NEK7: variants seen among roughly 807,000 people sequenced by gnomAD.
The protein encoded by NEK7 is NIMA related kinase 7, also known as serine/threonine-protein kinase Nek7.
NEK7 carries 18 observed loss-of-function variants against 44.6 expected under a neutral mutation model. That is an observed-to-expected ratio of 0.40 (90% CI 0.28 to 0.60). The LOEUF is 0.60. NEK7 is among the 20% of genes least tolerant of loss of function. The pLI is 0.38. For synonymous variants in NEK7, 130 were observed against 121.1 expected (o/e 1.07, Z -0.48); for missense variants, 256 against 366.5 (o/e 0.70, Z 2.46).
rs181146766 is a variant in NEK7 at position 198,243,654 on chromosome 1, A to G, written c.58-9386A>G. ...CAGGGTCTTATAAATGTTTAATTAG[A>G]TAACTGCTTATATTTGGTCACTCAT... On this transcript the variant is annotated intron_variant, in intron 2 of 9. Transcript: ENST00000367385. 5.9e-4 allele frequency among the ~76,000 whole-genome samples: 90 copies of G among 152,312 alleles called. 2 individuals are homozygous for G. In the East Asian group the frequency reaches 0.014, roughly 24 times the overall value.
At chr1:198,262,507 A>G in intron 3 of NEK7, 68 bp from the exon 4 acceptor site, 3 of 982,514 alleles carry the variant, frequency 3.1e-6, no homozygotes, top group Non-Finnish European at 4.7e-6. Flanking sequence ...GAGTATTAAA[A>G]TGAATTTACA....
rs140720671 is a variant in NEK7, at chr1:198,237,562, C to T, written c.57+4925C>T. Among the ~76,000 whole-genome samples, 464 of 152,202 alleles carry T rather than the reference C, an allele frequency of 3.0e-3. 3 individuals are homozygous for T. Among genetic ancestry groups the T allele is most frequent in the African/African-American group, 7.8e-3 (326 of 41,530 alleles). ...CTTAATGTTAGCAGATACCAGAGGC[C>T]GAATCTTTAAAATATATTTAGAATT... On this transcript the variant is annotated intron_variant, in intron 2 of 9. Transcript: ENST00000367385.
chr1:198,233,654 A>G (rs1280597271), intron 2 of NEK7, among the ~76,000 whole-genome samples: 1 of 152,070 alleles, frequency 6.6e-6, no homozygotes, highest in African/African-American at 2.4e-5. Flanking sequence ...GTACTTCCTC[A>G]GAGCCTTTCC....
chr1:198,198,525 G>A (rs1164087899), intron 1 of NEK7, among the ~76,000 whole-genome samples: 1 of 152,186 alleles, frequency 6.6e-6, no homozygotes, highest in African/African-American at 2.4e-5. Context: ...CGACCCACAT[G>A]TCGCTATGTA....
intron 1 of NEK7, among the ~76,000 whole-genome samples, chr1:198,211,138 G>A (rs181925356): frequency 6.6e-6 from 1 of 152,222 alleles, no homozygotes; most frequent in African/African-American, 2.4e-5. Flanking sequence ...TTTATGAAGA[G>A]AACTATGGGG....
At position 198,247,247 on chromosome 1, in the gene NEK7, T is replaced by C. The variant is rs981339635; in HGVS notation, c.58-5793T>C. On this transcript the variant is annotated intron_variant, in intron 2 of 9. Transcript: ENST00000367385. ...TTTTTCATCTTCATTTTAAACATGT[T>C]TCTATTCCATTTTTGTCTTTATTTT... 3.4e-4 allele frequency among the ~76,000 whole-genome samples: 52 copies of C among 152,352 alleles called. 1 individual carries two copies. Among genetic ancestry groups the C allele is most frequent in the Admixed American group, 9.8e-4 (15 of 15,292 alleles).
chr1:198,212,797 C>A (rs530727090), intron 1 of NEK7, among the ~76,000 whole-genome samples: 1 of 152,244 alleles, frequency 6.6e-6, no homozygotes, highest in Non-Finnish European at 1.5e-5. Context: ...TGCCACCTCC[C>A]GGCTGGAGGC....
In NEK7 at chr1:198,249,733, T is replaced by G. The variant is rs545754539; in HGVS notation, c.58-3307T>G. Among the ~76,000 whole-genome samples, 194 of 145,210 alleles carry G rather than the reference T, an allele frequency of 1.3e-3. 1 individual carries two copies. Among genetic ancestry groups the G allele is most frequent in the African/African-American group, 4.8e-3 (186 of 38,402 alleles). On this transcript the variant is annotated intron_variant, in intron 2 of 9. Coordinates refer to ENST00000367385, the MANE Select transcript of NEK7 (RefSeq NM_133494.3). ...TCCTTCACCCACTTTTTGATGGGGT[T>G]GTTTGTTTTTTTCTTGTAAATTTGT...
At chr1:198,233,515 C>A (rs1022296194) in intron 2 of NEK7, among the ~76,000 whole-genome samples, 1 of 152,124 alleles carries the variant, frequency 6.6e-6, no homozygotes, top group Admixed American at 6.6e-5. Flanking sequence ...ACTCTGCTAA[C>A]CTTGTCCCAA....
chr1:198,214,955 A>G (rs1224786706), intron 1 of NEK7, among the ~76,000 whole-genome samples: 1 of 152,198 alleles, frequency 6.6e-6, no homozygotes, highest in Non-Finnish European at 1.5e-5. Context: ...CTACAATGGA[A>G]ACCGTATTAG....
At chr1:198,229,712 C>CT (rs1464722190) in intron 1 of NEK7, among the ~76,000 whole-genome samples, 1 of 152,094 alleles carries the variant, frequency 6.6e-6, no homozygotes, top group Non-Finnish European at 1.5e-5. Flanking sequence ...CAGTTTGTGG[C>CT]TTTTTTCACT....
intron 6 of NEK7, among the ~76,000 whole-genome samples, chr1:198,278,288 GTAAGATGC>G (rs1286361822): frequency 1.3e-5 from 2 of 151,414 alleles, no homozygotes; most frequent in African/African-American, 2.4e-5. Context: ...TTACTAACCA[GTAAGATGC>G]TGTTGGTAAA....
intron 9 of NEK7, among the ~76,000 whole-genome samples, chr1:198,316,562 C>G (rs1015987086): frequency 5.3e-5 from 8 of 152,180 alleles, no homozygotes; most frequent in African/African-American, 1.9e-4. Context: ...ACCTTTATCT[C>G]ACAGATATCT....
chr1:198,268,330 T>G (rs1653721149), intron 5 of NEK7, among the ~76,000 whole-genome samples: 1 of 150,126 alleles, frequency 6.7e-6, no homozygotes, highest in Admixed American at 6.7e-5. Flanking sequence ...CCTCCCATGT[T>G]CCCTAACTCG....
chr1:198,273,697 A>G (rs1653924773), intron 5 of NEK7, among the ~76,000 whole-genome samples: 1 of 151,792 alleles, frequency 6.6e-6, no homozygotes, highest in Non-Finnish European at 1.5e-5. Flanking sequence ...ATAGTATTAA[A>G]TGGACCAATA....
At chr1:198,209,414 T>C (rs1386165562) in intron 1 of NEK7, among the ~76,000 whole-genome samples, 1 of 152,154 alleles carries the variant, frequency 6.6e-6, no homozygotes, top group Non-Finnish European at 1.5e-5. Flanking sequence ...CCAAGCACTG[T>C]AGGGATAAAG....
chr1:198,271,317 A>G (rs78207491), intron 5 of NEK7, among the ~76,000 whole-genome samples: 85 of 152,162 alleles, frequency 5.6e-4, no homozygotes, highest in African/African-American at 1.9e-3. Flanking sequence ...CTCACATTCA[A>G]GAGAATGGGA....
intron 1 of NEK7, among the ~76,000 whole-genome samples, chr1:198,194,063 A>G (rs1207326315): frequency 6.6e-6 from 1 of 152,178 alleles, no homozygotes; most frequent in African/African-American, 2.4e-5. Context: ...TTATATCTAG[A>G]AAACCCCATA....
chr1:198,179,487 C>T (rs544777852), intron 1 of NEK7, among the ~76,000 whole-genome samples: 1 of 152,072 alleles, frequency 6.6e-6, no homozygotes, highest in East Asian at 1.9e-4. Flanking sequence ...GATTCTTGAA[C>T]AGTAAGGTGG....
Sources: gnomAD v4.1 joint callset for allele counts (sites outside exome capture counted in the v4.1 genomes callset) on GRCh38, gnomAD v4.1.1 for gene constraint, MANE v1.5 for transcripts, NCBI Gene and HGNC (gene_info 2026-07-23, HGNC 2026-07-21) for gene names.